PALLD: variants seen among roughly 807,000 people sequenced by gnomAD.
The protein encoded by PALLD is palladin, cytoskeletal associated protein, also known as palladin.
A neutral mutation model predicts 123.5 loss-of-function variants in PALLD; 61 were observed. That is an observed-to-expected ratio of 0.49 (90% CI 0.40 to 0.61). The LOEUF is 0.61. PALLD is among the 20% of genes least tolerant of loss of function. PALLD has a pLI of 0.00. For synonymous variants in PALLD, 465 were observed against 496.4 expected (o/e 0.94, Z 0.84); for missense variants, 1,273 against 1,377.0 (o/e 0.92, Z 1.20).
chr4:168,702,547 C>T (rs913397831), intron 8 of PALLD, among the ~76,000 whole-genome samples: 9 of 152,038 alleles, frequency 5.9e-5, no homozygotes, highest in South Asian at 2.1e-4. Context: ...AGTGAAACTC[C>T]ATCTCAAAAA....
At chr4:168,544,371 A>G (rs2149518963) in intron 2 of PALLD, among the ~76,000 whole-genome samples, 1 of 152,386 alleles carries the variant, frequency 6.6e-6, no homozygotes, top group African/African-American at 2.4e-5. Context: ...TGCCTTGAGT[A>G]GTATAATATT....
intron 1 of PALLD, chr4:168,504,697 AAAG>A (rs1280764182): frequency 1.3e-5 from 2 of 152,276 alleles, no homozygotes; most frequent in African/African-American, 4.8e-5. Context: ...AGGATGAGAA[AAAG>A]AAGAAGACAG....
rs752950813 is a variant in PALLD, at chr4:168,512,255, G to A, written c.751G>A (p.Val251Met). 6.2e-7 allele frequency: 1 copy of A among 1,614,108 alleles called. No homozygotes were observed. The highest frequency in any genetic ancestry group is 1.7e-5 in the Admixed American group (1 of 60,012). ...CTACCAGGACAACCAGGACTTGGCA[G>A]TGCCACACAACCGCAAGTCTCACCC... ...HCYQDNQDLA[V>M]PHNRKSHPQP... is the part of the protein sequence containing the mutation. Residue 251 changes from valine (V) to methionine (M), a missense_variant, in exon 2 of 22, where the codon GTG becomes ATG. Physicochemically the swap from Val to Met is conservative, Grantham distance 21. This residue lies in a region of PALLD where 944 missense variants were observed against 954.5 expected (regional missense o/e 0.99). Transcript: ENST00000505667.
chr4:168,746,884 T>C (rs144322763), intron 10 of PALLD, among the ~76,000 whole-genome samples: 5 of 152,348 alleles, frequency 3.3e-5, no homozygotes, highest in Non-Finnish European at 5.9e-5. Context: ...AGGAGTATGA[T>C]CTAAGAAAAG....
chr4:168,554,062 G>T (rs368054368), intron 2 of PALLD, among the ~76,000 whole-genome samples: 7 of 152,198 alleles, frequency 4.6e-5, no homozygotes, highest in African/African-American at 1.7e-4. Flanking sequence ...CCAGCGCAGT[G>T]CCTGGCACAC....
intron 2 of PALLD, among the ~76,000 whole-genome samples, chr4:168,640,605 T>C (rs1029241363): frequency 1.1e-4 from 16 of 152,236 alleles, no homozygotes; most frequent in African/African-American, 3.9e-4. Flanking sequence ...CTGACTACAC[T>C]TAGACCTAAC....
At chr4:168,838,256 G>A (rs76146237) in intron 10 of PALLD, among the ~76,000 whole-genome samples, 7 of 152,134 alleles carry the variant, frequency 4.6e-5, no homozygotes, top group African/African-American at 9.7e-5. Context: ...GTCCTAGAGC[G>A]GCTGGGGTTT....
intron 10 of PALLD, among the ~76,000 whole-genome samples, chr4:168,796,996 CA>C (rs1738607224): frequency 6.6e-6 from 1 of 152,118 alleles, no homozygotes; most frequent in Non-Finnish European, 1.5e-5. Context: ...AATAGTGCTT[CA>C]AGGAAGAAAT....
chr4:168,776,892 T>A (rs957503040), intron 10 of PALLD, among the ~76,000 whole-genome samples: 1 of 152,232 alleles, frequency 6.6e-6, no homozygotes, highest in Non-Finnish European at 1.5e-5. Context: ...AGTTTTTTTA[T>A]GTGTTAAATA....
rs940889872 is a variant in PALLD at position 168,588,251 on chromosome 4, C to T, written c.908+75839C>T. On this transcript the variant is annotated intron_variant, in intron 2 of 21. Transcript: ENST00000505667. ...AATTCCTGGAGCCAAACACCCTGAG[C>T]TATGAAACTGGCCCATTATTGTGAG... Among the ~76,000 whole-genome samples, 6 of 152,142 alleles carry T rather than the reference C, an allele frequency of 3.9e-5. No homozygotes were observed. In the South Asian group the frequency reaches 8.3e-4, roughly 21 times the overall value.
At chr4:168,617,700 T>C (rs1774362174) in intron 2 of PALLD, among the ~76,000 whole-genome samples, 1 of 152,174 alleles carries the variant, frequency 6.6e-6, no homozygotes, top group East Asian at 1.9e-4. Flanking sequence ...TCCAACATTA[T>C]AAAACGAGGA....
chr4:168,592,365 G>A (rs548554956), intron 2 of PALLD, among the ~76,000 whole-genome samples: 1 of 152,024 alleles, frequency 6.6e-6, no homozygotes, highest in Non-Finnish European at 1.5e-5. Flanking sequence ...ATGAGGAAGA[G>A]TCCCAACTAT....
intron 3 of PALLD, among the ~76,000 whole-genome samples, chr4:168,669,822 A>C (rs1430904483): frequency 6.6e-6 from 1 of 151,854 alleles, no homozygotes; most frequent in Non-Finnish European, 1.5e-5. Flanking sequence ...ACACACACAC[A>C]CAATCATTTA....
At chr4:168,810,537 TC>T (rs1740922876) in intron 10 of PALLD, among the ~76,000 whole-genome samples, 1 of 151,708 alleles carries the variant, frequency 6.6e-6, no homozygotes, top group Non-Finnish European at 1.5e-5. Context: ...GCACCTGTAA[TC>T]CCAGCTACTC....
intron 1 of PALLD, among the ~76,000 whole-genome samples, chr4:168,505,804 T>A (rs2319914): frequency 0.39 from 59,968 of 152,198 alleles, 12,713 homozygotes; most frequent in East Asian, 0.58. Context: ...GATCATTAAT[T>A]GCCTTTATAT....
intron 10 of PALLD, among the ~76,000 whole-genome samples, chr4:168,752,300 G>A (rs1241380804): frequency 6.6e-6 from 1 of 152,224 alleles, no homozygotes; most frequent in Non-Finnish European, 1.5e-5. Context: ...CTTGAGCCCA[G>A]GAGGCTGAGG....
chr4:168,550,846 T>C (rs564923064), intron 2 of PALLD, among the ~76,000 whole-genome samples: 2 of 152,356 alleles, frequency 1.3e-5, no homozygotes, highest in African/African-American at 4.8e-5. Flanking sequence ...TGTTCTTTCA[T>C]TGAACTGTAA....
Position 168,678,340 on chromosome 4 carries a change from G to A in PALLD, c.1088-2992G>A, listed in dbSNP as rs115317610. On this transcript the variant is annotated intron_variant, in intron 3 of 21. Coordinates refer to ENST00000505667, the MANE Select transcript of PALLD (RefSeq NM_001166108.2). ...GTGCCCAGCAGACGCCGGGCACATA[G>A]GACATATGCAAAAATTGGTAGTTCC... is the stretch of plus-strand genomic sequence containing the variant. 3.3e-3 allele frequency among the ~76,000 whole-genome samples: 495 copies of A among 152,210 alleles called. 1 individual carries two copies. Among genetic ancestry groups the A allele is most frequent in the African/African-American group, 0.011 (474 of 41,542 alleles).
intron 2 of PALLD, among the ~76,000 whole-genome samples, chr4:168,572,119 C>T (rs1769056313): frequency 6.6e-6 from 1 of 152,224 alleles, no homozygotes; most frequent in South Asian, 2.1e-4. Flanking sequence ...CTTCCTGTCC[C>T]TCCTGATACA....
Sources: allele counts gnomAD v4.1 joint callset (sites outside exome capture counted in the v4.1 genomes callset), GRCh38; gene constraint gnomAD v4.1.1; regional missense constraint gnomAD v4.1.1; transcripts MANE v1.5; gene names NCBI Gene and HGNC (gene_info 2026-07-23, HGNC 2026-07-21).